The following TBC1D4 variants were observed in gnomAD, a reference collection of about 807,000 sequenced individuals.
TBC1D4 encodes TBC (Tre-2, BUB2, CDC16) domain-containing protein.
In TBC1D4, 121 loss-of-function variants were observed where a neutral mutation model predicts 142.5. The ratio of observed to expected loss-of-function variants is 0.85; its 90% confidence interval spans 0.73 to 0.99. TBC1D4 has a LOEUF of 0.99. Ranked by LOEUF, TBC1D4 falls within the 50% of genes least tolerant of loss-of-function variation. TBC1D4 has a pLI of 0.00. For missense variants in TBC1D4, 1,475 were observed against 1,606.6 expected, an observed-to-expected ratio of 0.92 and a Z score of 1.40; for synonymous variants, 630 against 628.2, an observed-to-expected ratio of 1.00 and a Z score of -0.04.
chr13:75,421,186 C>A (rs1886152047), intron 1 of TBC1D4, among the ~76,000 whole-genome samples: 1 of 152,182 alleles, frequency 6.6e-6, no homozygotes, highest in Admixed American at 6.5e-5. Flanking sequence ...ATCTGAGGTA[C>A]TTCTCACTCA....
intron 1 of TBC1D4, among the ~76,000 whole-genome samples, chr13:75,416,534 G>C (rs750112093): frequency 6.6e-6 from 1 of 152,066 alleles, no homozygotes; most frequent in Non-Finnish European, 1.5e-5. Context: ...TCAAGTGCAG[G>C]AAAAGACAAA....
intron 1 of TBC1D4, 96 bp downstream of exon 1, chr13:75,481,174 C>T: frequency 1.4e-6 from 2 of 1,481,116 alleles, no homozygotes; most frequent in Non-Finnish European, 1.8e-6. Context: ...AGCCAAACCT[C>T]AGTCGGTCCT....
At chr13:75,409,012 T>C (rs1226226712) in intron 1 of TBC1D4, among the ~76,000 whole-genome samples, 1 of 146,926 alleles carries the variant, frequency 6.8e-6, no homozygotes, top group Non-Finnish European at 1.5e-5. Flanking sequence ...CTCTGATATA[T>C]GATTGTGTGC....
In TBC1D4 at chr13:75,302,337, G is replaced by T. The variant is rs1253459970; in HGVS notation, c.2817C>A (p.His939Gln). The change falls in exon 16 of 21, where the codon CAC becomes CAA. Residue 939 changes from histidine (H) to glutamine (Q), a missense_variant. Physicochemically the swap from His to Gln is conservative, Grantham distance 24. Transcript: ENST00000377636. Reference sequence around the variant, plus strand: ...GAGGCTGTTGTTTATTAGGCAATCTGTGTCTGAGTCGGTACTGTAAAGCCA... The same window carrying T: ...GAGGCTGTTGTTTATTAGGCAATCTTTGTCTGAGTCGGTACTGTAAAGCCA... Reference protein sequence around the residue: ...QFLALQYRLRHRLPNKQQPPD... With the variant: ...QFLALQYRLRQRLPNKQQPPD... The T allele has an allele frequency of 1.2e-6, 2 of 1,614,184 alleles. No individual in the cohort carries two copies. Among genetic ancestry groups the T allele is most frequent in the Non-Finnish European group, 1.7e-6 (2 of 1,180,036 alleles).
chr13:75,453,268 T>C (rs763437571), intron 1 of TBC1D4, among the ~76,000 whole-genome samples: 3 of 152,166 alleles, frequency 2.0e-5, no homozygotes, highest in South Asian at 2.1e-4. Context: ...TTAACCAATA[T>C]GTTTAGTTTA....
chr13:75,401,316 A>G (rs957712061), intron 1 of TBC1D4, among the ~76,000 whole-genome samples: 1 of 152,052 alleles, frequency 6.6e-6, no homozygotes, highest in African/African-American at 2.4e-5. Flanking sequence ...ATCTCCCACA[A>G]TCATGGGGGA....
chr13:75,385,120 A>C (rs948794707), intron 1 of TBC1D4, among the ~76,000 whole-genome samples: 20 of 151,954 alleles, frequency 1.3e-4, no homozygotes, highest in African/African-American at 3.9e-4. Flanking sequence ...CCTCAAAAAA[A>C]CTTCCCTCCA....
chr13:75,371,549 A>G (rs896396023), intron 1 of TBC1D4, among the ~76,000 whole-genome samples: 2 of 152,170 alleles, frequency 1.3e-5, no homozygotes, highest in Non-Finnish European at 2.9e-5. Flanking sequence ...GAGGATGGGG[A>G]AGAAGATCTA....
intron 17 of TBC1D4, among the ~76,000 whole-genome samples, chr13:75,296,355 CT>C (rs779790550): frequency 2.6e-5 from 4 of 151,964 alleles, no homozygotes; most frequent in Non-Finnish European, 5.9e-5. Flanking sequence ...TCAAAAAAGT[CT>C]AATTAGCAGC....
intron 1 of TBC1D4, among the ~76,000 whole-genome samples, chr13:75,439,156 A>G (rs1324922909): frequency 6.6e-6 from 1 of 152,204 alleles, no homozygotes; most frequent in Non-Finnish European, 1.5e-5. Flanking sequence ...AGGTAATTCC[A>G]GTTTATTGAT....
intron 16 of TBC1D4, among the ~76,000 whole-genome samples, chr13:75,300,512 A>AT (rs11429595): frequency 0.056 from 8,479 of 151,684 alleles, 565 homozygotes; most frequent in African/African-American, 0.17. Flanking sequence ...CTTAAAAGTG[A>AT]TTTTTTTTTC....
At chr13:75,356,679 G>C (rs1411777328) in intron 3 of TBC1D4, among the ~76,000 whole-genome samples, 1 of 152,086 alleles carries the variant, frequency 6.6e-6, no homozygotes, top group Non-Finnish European at 1.5e-5. Context: ...CAAATTAACT[G>C]GTATGGAATT....
intron 20 of TBC1D4, 130 bp downstream of exon 20, chr13:75,288,804 G>T (rs1874953440): frequency 4.1e-6 from 4 of 968,570 alleles, no homozygotes; most frequent in Non-Finnish European, 6.5e-6. Context: ...AGAGCACTTG[G>T]ACAGTCTGAT....
chr13:75,447,762 AGC>A (rs1887353171), intron 1 of TBC1D4, among the ~76,000 whole-genome samples: 2 of 152,064 alleles, frequency 1.3e-5, no homozygotes, highest in African/African-American at 4.8e-5. Flanking sequence ...TCAGATCAGC[AGC>A]AGCATTAGAT....
At chr13:75,402,662 C>CACACAT (rs1885153986) in intron 1 of TBC1D4, among the ~76,000 whole-genome samples, 2 of 132,868 alleles carry the variant, frequency 1.5e-5, no homozygotes, top group South Asian at 4.3e-4. Flanking sequence ...TAAACACACA[C>CACACAT]ACACACACAC....
In TBC1D4 at chr13:75,441,618, C is replaced by T. The variant is rs527276553; in HGVS notation, c.498+39652G>A. ...TTTTTTATCTTCCATAGCCCAGGAA[C>T]GTCTATGCACATGTATAGATTGCAC... On this transcript the variant is annotated intron_variant, in intron 1 of 20. Coordinates refer to ENST00000377636, the MANE Select transcript of TBC1D4 (RefSeq NM_014832.5). Among the ~76,000 whole-genome samples the T allele has an allele frequency of 1.1e-4, 17 of 152,248 alleles. No individual in the cohort carries two copies. The South Asian group carries it at 1.2e-3, about 11-fold the overall frequency.
intron 13 of TBC1D4, among the ~76,000 whole-genome samples, chr13:75,312,355 T>C (rs752648458): frequency 6.7e-6 from 1 of 150,012 alleles, no homozygotes; most frequent in South Asian, 2.1e-4. Flanking sequence ...AAGGCTACAG[T>C]GAGCTATGAT....
chr13:75,331,741 A>T (rs765741553), intron 8 of TBC1D4, among the ~76,000 whole-genome samples: 3 of 152,046 alleles, frequency 2.0e-5, no homozygotes, highest in Non-Finnish European at 4.4e-5. Context: ...TTTCATAAAC[A>T]ACTATAGTTA....
At chr13:75,363,797 T>C (rs1413946849) in intron 1 of TBC1D4, among the ~76,000 whole-genome samples, 1 of 152,212 alleles carries the variant, frequency 6.6e-6, no homozygotes, top group Non-Finnish European at 1.5e-5. Context: ...ACTCTAAAAC[T>C]GAGAACAATC....
Sources: allele counts gnomAD v4.1 joint callset (sites outside exome capture counted in the v4.1 genomes callset), GRCh38; gene constraint gnomAD v4.1.1; transcripts MANE v1.5; gene names NCBI Gene and HGNC (gene_info 2026-07-23, HGNC 2026-07-21).